AGBL1: variants seen among roughly 807,000 people sequenced by gnomAD.
AGBL1 encodes the protein AGBL carboxypeptidase 1.
In AGBL1, 130 loss-of-function variants were observed where a neutral mutation model predicts 118.9. That is an observed-to-expected ratio of 1.09 (90% CI 0.95 to 1.26). The LOEUF (loss-of-function observed/expected upper bound fraction) is 1.26. Among genes scored for constraint, AGBL1 ranks in the 50% most tolerant of loss-of-function variants. AGBL1 has a pLI of 0.00. For missense variants in AGBL1, 1,584 were observed against 1,298.1 expected, an observed-to-expected ratio of 1.22 and a Z score of -3.38; for synonymous variants, 555 against 478.9, an observed-to-expected ratio of 1.16 and a Z score of -2.08.
intron 22 of AGBL1, among the ~76,000 whole-genome samples, chr15:86,860,047 T>G (rs960206541): frequency 6.6e-6 from 1 of 152,136 alleles, no homozygotes; most frequent in African/African-American, 2.4e-5. Flanking sequence ...TTCAATAATG[T>G]CTTTTTGCTA....
At chr15:86,548,793 C>T (rs894085596) in intron 20 of AGBL1, among the ~76,000 whole-genome samples, 7 of 151,944 alleles carry the variant, frequency 4.6e-5, no homozygotes, top group African/African-American at 1.7e-4. Context: ...GCCATTCTTG[C>T]ATTGCTGAGA....
rs142024995 is a variant in AGBL1 at position 86,311,095 on chromosome 15, G to A, written c.2374+15687G>A. On this transcript the variant is annotated intron_variant, in intron 17 of 22. Transcript: ENST00000614907. Reference sequence around the variant, plus strand: ...CTCCAAGGCTCAGTTGAAACCTTCAGGGGGAGAGACAGGCTTCGACGCTTG... The same window carrying A: ...CTCCAAGGCTCAGTTGAAACCTTCAAGGGGAGAGACAGGCTTCGACGCTTG... Among the ~76,000 whole-genome samples the A allele has an allele frequency of 6.0e-4, 91 of 152,292 alleles. 1 individual carries two copies. Among genetic ancestry groups the A allele is most frequent in the African/African-American group, 2.0e-3 (83 of 41,564 alleles).
rs1474428936 is a variant in AGBL1, at chr15:86,262,904, A to G, written c.1086+10A>G. 6.3e-6 allele frequency: 10 copies of G among 1,578,756 alleles called. No individual in the cohort carries two copies. The highest frequency in any genetic ancestry group is 1.8e-5 in the Admixed American group (1 of 56,748). On this transcript the variant is annotated intron_variant, in intron 10 of 22. Transcript: ENST00000614907. ...CTCCTATAGCTTTGAGGTAGGACAT[A>G]TGCTGTGGTTCTGATCTTTGACGAT...
intron 5 of AGBL1, among the ~76,000 whole-genome samples, chr15:86,182,121 G>A (rs1283226590): frequency 3.3e-5 from 5 of 151,968 alleles, no homozygotes; most frequent in African/African-American, 7.2e-5. Context: ...GACTGGTTTC[G>A]GTGGGACAAA....
intron 19 of AGBL1, among the ~76,000 whole-genome samples, chr15:86,537,788 C>T (rs1412362743): frequency 2.6e-5 from 4 of 152,166 alleles, no homozygotes; most frequent in Non-Finnish European, 5.9e-5. Flanking sequence ...AATTGAACCT[C>T]ATCTCTATAT....
At chr15:86,779,646 G>C (rs1206797586) in intron 22 of AGBL1, among the ~76,000 whole-genome samples, 1 of 152,052 alleles carries the variant, frequency 6.6e-6, no homozygotes, top group African/African-American at 2.4e-5. Context: ...TTTTAGCATT[G>C]TATGGAGAAT....
At chr15:86,692,453 G>T (rs2142609203) in intron 22 of AGBL1, among the ~76,000 whole-genome samples, 3 of 152,218 alleles carry the variant, frequency 2.0e-5, no homozygotes, top group Middle Eastern at 6.8e-3. Flanking sequence ...ACCTATGAAA[G>T]CTGGGGGCTG....
chr15:86,971,347 C>T (rs936486269), intron 23 of AGBL1, among the ~76,000 whole-genome samples: 1 of 151,986 alleles, frequency 6.6e-6, no homozygotes, highest in Non-Finnish European at 1.5e-5. Flanking sequence ...TGTGGTGAGA[C>T]ATTAATTGCC....
chr15:86,325,321 C>T (rs1003738795), intron 17 of AGBL1, among the ~76,000 whole-genome samples: 12 of 152,154 alleles, frequency 7.9e-5, no homozygotes, highest in African/African-American at 2.9e-4. Context: ...ATGATGCTGT[C>T]ATTTTCCAAA....
intron 18 of AGBL1, among the ~76,000 whole-genome samples, chr15:86,514,117 T>C (rs955473973): frequency 7.4e-6 from 1 of 134,556 alleles, no homozygotes; most frequent in African/African-American, 2.7e-5. Flanking sequence ...GGGAAATAGA[T>C]GTATGAATAC....
intron 22 of AGBL1, among the ~76,000 whole-genome samples, chr15:86,733,142 G>A (rs1055630447): frequency 4.0e-5 from 6 of 151,410 alleles, no homozygotes; most frequent in Admixed American, 2.6e-4. Flanking sequence ...TGGTATCCAA[G>A]AAGTCTCAAG....
At chr15:86,616,060 G>A (rs2084716801) in intron 21 of AGBL1, among the ~76,000 whole-genome samples, 1 of 152,148 alleles carries the variant, frequency 6.6e-6, no homozygotes, top group Non-Finnish European at 1.5e-5. Context: ...AGATGGGCCA[G>A]GAGTATTGGC....
intron 21 of AGBL1, among the ~76,000 whole-genome samples, chr15:86,574,767 G>T (rs893838214): frequency 4.0e-5 from 6 of 151,322 alleles, no homozygotes; most frequent in Non-Finnish European, 7.4e-5. Context: ...TAGTAGAGAC[G>T]GGGTTTCACC....
chr15:86,202,546 C>T (rs935463206), intron 5 of AGBL1, among the ~76,000 whole-genome samples: 2 of 152,172 alleles, frequency 1.3e-5, no homozygotes, highest in African/African-American at 2.4e-5. Context: ...GAATAAGGAC[C>T]TTGACATTGC....
chr15:86,479,583 G>A (rs982010639), intron 18 of AGBL1, among the ~76,000 whole-genome samples: 1 of 152,156 alleles, frequency 6.6e-6, no homozygotes, highest in East Asian at 1.9e-4. Context: ...GGAAACAACA[G>A]GTGCTGGAGA....
In AGBL1 at chr15:86,973,531, G is replaced by A. The variant is rs191781807; in HGVS notation, c.3222-14456G>A. Among the ~76,000 whole-genome samples the A allele has an allele frequency of 1.0e-3, 152 of 151,222 alleles. 1 individual carries two copies. Among genetic ancestry groups the A allele is most frequent in the Non-Finnish European group, 2.2e-4 (15 of 67,608 alleles). Reference sequence around the variant, plus strand: ...CATGTCAGGTTGGCCTAGCATGATCGGAAAAAAATCACAAGTTGGCTGTCA... The same window carrying A: ...CATGTCAGGTTGGCCTAGCATGATCAGAAAAAAATCACAAGTTGGCTGTCA... On this transcript the variant is annotated intron_variant, in intron 23 of 24. Coordinates refer to the AGBL1 transcript ENST00000441037.
chr15:86,080,991 G>A (rs118131255), intron 1 of AGBL1, among the ~76,000 whole-genome samples: 1,708 of 152,228 alleles, frequency 0.011, 10 homozygotes, highest in East Asian at 0.024. Flanking sequence ...CATTTTGTAC[G>A]TATTTTCCTT....
At chr15:86,173,734 T>G (rs1043219057) in intron 5 of AGBL1, among the ~76,000 whole-genome samples, 1 of 152,158 alleles carries the variant, frequency 6.6e-6, no homozygotes, top group Admixed American at 6.6e-5. Context: ...GGTGCTTTTT[T>G]CAAAAATCAA....
intron 17 of AGBL1, among the ~76,000 whole-genome samples, chr15:86,334,902 T>C (rs566805359): frequency 6.6e-6 from 1 of 151,988 alleles, no homozygotes; most frequent in South Asian, 2.1e-4. Context: ...GAAGACAGAA[T>C]AAGAAACTAT....
Sources: gnomAD v4.1 joint callset for allele counts (sites outside exome capture counted in the v4.1 genomes callset) on GRCh38, gnomAD v4.1.1 for gene constraint, MANE v1.5 for transcripts, NCBI Gene and HGNC (gene_info 2026-07-23, HGNC 2026-07-21) for gene names.